The following RGS7 variants were observed in gnomAD, a reference collection of about 807,000 sequenced individuals.
RGS7 encodes regulator of G protein signaling 7, also known as regulator of G-protein signaling 7.
RGS7 carries 27 observed loss-of-function variants against 81.1 expected under a neutral mutation model. That is an observed-to-expected ratio of 0.33 (90% confidence interval 0.25 to 0.46). The LOEUF (loss-of-function observed/expected upper bound fraction) is 0.46. Among genes scored for constraint, RGS7 ranks in the 20% least tolerant of loss-of-function variants. RGS7 has a pLI of 1.00. For missense variants in RGS7, 396 were observed against 607.4 expected (o/e 0.65, Z 3.66); for synonymous variants, 208 against 207.7 (o/e 1.00, Z -0.01).
chr1:241,181,963 G>A (rs554192406), intron 2 of RGS7, among the ~76,000 whole-genome samples: 1 of 152,230 alleles, frequency 6.6e-6, no homozygotes, highest in East Asian at 1.9e-4. Context: ...CCAAAGTGCT[G>A]GAATTACAGA....
intron 2 of RGS7, among the ~76,000 whole-genome samples, chr1:241,281,657 T>A (rs2078519595): frequency 6.6e-6 from 1 of 152,206 alleles, no homozygotes; most frequent in Admixed American, 6.5e-5. Flanking sequence ...ACAGACAACA[T>A]AAACTTAAGG....
intron 2 of RGS7, among the ~76,000 whole-genome samples, chr1:241,321,615 T>C (rs975982491): frequency 1.3e-5 from 2 of 152,180 alleles, no homozygotes; most frequent in African/African-American, 4.8e-5. Flanking sequence ...CAGAACAACA[T>C]GAAGATGGGA....
intron 4 of RGS7, among the ~76,000 whole-genome samples, chr1:240,949,919 G>A (rs981808174): frequency 6.0e-5 from 9 of 150,552 alleles, no homozygotes; most frequent in South Asian, 2.1e-4. Context: ...CTTAGAAGCT[G>A]TCACTCTCAT....
intron 3 of RGS7, among the ~76,000 whole-genome samples, chr1:241,085,741 T>C (rs2063398961): frequency 2.0e-5 from 3 of 152,110 alleles, no homozygotes; most frequent in African/African-American, 7.2e-5. Context: ...GCCTCCCTCA[T>C]ACTTTCTTAT....
chr1:241,219,529 G>A (rs1262241395), intron 2 of RGS7, among the ~76,000 whole-genome samples: 1 of 152,138 alleles, frequency 6.6e-6, no homozygotes, highest in African/African-American at 2.4e-5. Flanking sequence ...CACTAGAGAT[G>A]TGCCAGTTAC....
At chr1:241,305,215 C>A (rs1018496956) in intron 2 of RGS7, among the ~76,000 whole-genome samples, 1 of 152,170 alleles carries the variant, frequency 6.6e-6, no homozygotes, top group Non-Finnish European at 1.5e-5. Context: ...CTTCTAACGC[C>A]ACTGATTAGT....
At chr1:240,999,521 A>G (rs1330276496) in intron 3 of RGS7, among the ~76,000 whole-genome samples, 1 of 152,208 alleles carries the variant, frequency 6.6e-6, no homozygotes, top group East Asian at 1.9e-4. Flanking sequence ...TAACTCTGTC[A>G]TCTCAATCTT....
At chr1:241,047,813 CA>C (rs2061019711) in intron 3 of RGS7, among the ~76,000 whole-genome samples, 1 of 140,474 alleles carries the variant, frequency 7.1e-6, no homozygotes, top group Non-Finnish European at 1.5e-5. Context: ...GATCTCAGCT[CA>C]CTGCAACCTC....
intron 2 of RGS7, among the ~76,000 whole-genome samples, chr1:241,196,994 A>AC (rs1235506401): frequency 6.7e-6 from 1 of 148,776 alleles, no homozygotes; most frequent in Non-Finnish European, 1.5e-5. Context: ...AAGAATGTAA[A>AC]AAAAAAAAAA....
At chr1:241,203,784 TTTTCA>T (rs1222550797) in intron 2 of RGS7, among the ~76,000 whole-genome samples, 1 of 152,146 alleles carries the variant, frequency 6.6e-6, no homozygotes, top group Non-Finnish European at 1.5e-5. Flanking sequence ...ATCCCCTCTC[TTTTCA>T]TTTATTCGTT....
chr1:241,155,394 G>A (rs931797597), intron 2 of RGS7, among the ~76,000 whole-genome samples: 13 of 152,010 alleles, frequency 8.6e-5, no homozygotes, highest in Non-Finnish European at 1.8e-4. Context: ...CACCTCACCT[G>A]GCCAGATTAT....
Position 240,938,660 on chromosome 1 carries a change from G to A in RGS7, c.227-1954C>T, listed in dbSNP as rs563218278. 1.2e-4 allele frequency among the ~76,000 whole-genome samples: 18 copies of A among 152,150 alleles called. No individual in the cohort carries two copies. In the East Asian group the frequency reaches 2.9e-3, roughly 25 times the overall value. ...GATCTCTCCCTGCATTGTTCTTGCC[G>A]ATAATAAAGAACAACTGCCAATTAT... On this transcript the variant is annotated intron_variant, in intron 4 of 18. Coordinates refer to ENST00000440928, the MANE Select transcript of RGS7 (RefSeq NM_001364886.1).
chr1:240,939,714 GC>G (rs1454078311), intron 4 of RGS7, among the ~76,000 whole-genome samples: 7 of 152,100 alleles, frequency 4.6e-5, no homozygotes, highest in Admixed American at 1.3e-4. Context: ...GGGGTATCTT[GC>G]TTTTGCCAGG....
intron 2 of RGS7, among the ~76,000 whole-genome samples, chr1:241,148,051 CTT>C (rs58632066): frequency 2.8e-5 from 3 of 108,490 alleles, no homozygotes; most frequent in African/African-American, 6.9e-5. Flanking sequence ...TTTTCTTTTT[CTT>C]TTTTTTTTTT....
At chr1:241,292,752 A>G (rs2079159376) in intron 2 of RGS7, among the ~76,000 whole-genome samples, 1 of 152,202 alleles carries the variant, frequency 6.6e-6, no homozygotes, top group Admixed American at 6.5e-5. Context: ...CTTCCCCCCA[A>G]AAATAAAGAG....
chr1:240,983,483 T>C (rs147293648), intron 3 of RGS7, among the ~76,000 whole-genome samples: 299 of 152,328 alleles, frequency 2.0e-3, no homozygotes, highest in African/African-American at 6.5e-3. Context: ...TTTTATAAGG[T>C]AGTTCCTGTC....
chr1:241,055,917 GA>G (rs1259042142), intron 3 of RGS7, among the ~76,000 whole-genome samples: 2 of 152,186 alleles, frequency 1.3e-5, no homozygotes, highest in African/African-American at 2.4e-5. Context: ...CTATGTGCTA[GA>G]AAACAAGAGG....
rs1334828784 is a variant in RGS7, at chr1:240,796,218, C to T, written c.*6+4423G>A. Among the ~76,000 whole-genome samples the T allele has an allele frequency of 2.0e-5, 3 of 152,204 alleles. No individual in the cohort carries two copies. In the East Asian group the frequency reaches 5.8e-4, roughly 29 times the overall value. Reference sequence around the variant, plus strand: ...CCACTTATATATAATCTGCATAAGGCTGTATTAACCAGTAATTCCACAGTG... The same window carrying T: ...CCACTTATATATAATCTGCATAAGGTTGTATTAACCAGTAATTCCACAGTG... On this transcript the variant is annotated intron_variant, in intron 18 of 18. Transcript: ENST00000440928.
At chr1:240,928,604 A>ATTT (rs769378768) in intron 6 of RGS7, among the ~76,000 whole-genome samples, 5 of 134,904 alleles carry the variant, frequency 3.7e-5, no homozygotes, top group Admixed American at 1.5e-4. Flanking sequence ...TTTCTTTATA[A>ATTT]TTTTTTTTTT....
Sources: gnomAD v4.1 joint callset for allele counts (sites outside exome capture counted in the v4.1 genomes callset) on GRCh38, gnomAD v4.1.1 for gene constraint, MANE v1.5 for transcripts, NCBI Gene and HGNC (gene_info 2026-07-23, HGNC 2026-07-21) for gene names.